Variants in DIP2A observed in about 807,000 individuals in gnomAD.
DIP2A encodes the protein disco-interacting protein 2 homolog A.
A neutral mutation model predicts 177.4 loss-of-function variants in DIP2A; 85 were observed. The ratio of observed to expected loss-of-function variants is 0.48; its 90% CI spans 0.40 to 0.57. The LOEUF (loss-of-function observed/expected upper bound fraction) is 0.57, where lower values mean the gene tolerates loss of function less well. Among genes scored for constraint, DIP2A ranks in the 20% least tolerant of loss-of-function variants. The probability of loss-of-function intolerance (pLI) is 0.00; values close to 1 mark genes in which losing one functional copy is unlikely to be tolerated. For synonymous variants in DIP2A, 886 were observed against 881.8 expected (o/e 1.00, Z -0.08); for missense variants, 1,791 against 2,100.2 (o/e 0.85, Z 2.88).
At chr21:46,566,780 G>A in intron 37 of DIP2A, 97 bp downstream of exon 37, 1 of 1,487,584 alleles carries the variant, frequency 6.7e-7, no homozygotes, top group Non-Finnish European at 9.2e-7. Context: ...AAGGACTGCT[G>A]GGCCCTGGGC....
chr21:46,561,249 A>G (rs2060653725), intron 33 of DIP2A: 1 of 267,670 alleles, frequency 3.7e-6, no homozygotes, highest in African/African-American at 2.2e-5. Context: ...CAAGTTATCC[A>G]TCTACTGGCA....
At chr21:46,516,625 T>G (rs142169340) in intron 8 of DIP2A, among the ~76,000 whole-genome samples, 6,250 of 151,568 alleles carry the variant, frequency 0.041, 198 homozygotes, top group Non-Finnish European at 0.063. Flanking sequence ...CCTGAATAGC[T>G]GGGACTATAG....
chr21:46,482,974 A>G (rs2056449659), intron 1 of DIP2A, among the ~76,000 whole-genome samples: 1 of 152,190 alleles, frequency 6.6e-6, no homozygotes, highest in Admixed American at 6.5e-5. Flanking sequence ...TATATCCTGA[A>G]CCTGATGAGG....
In DIP2A at chr21:46,497,179, C is replaced by T. The variant is rs1449772994; in HGVS notation, c.403+72C>T. The T allele has an allele frequency of 5.9e-6, 9 of 1,529,660 alleles. No individual in the cohort carries two copies. In the African/African-American group the frequency reaches 1.1e-4, roughly 19 times the overall value. The allele number at this position is 1,529,660 out of a possible 1,614,324, so 94.8% of individuals were successfully genotyped here. A position where few individuals can be genotyped will look rare whatever the true frequency, so the allele number is the denominator to read the frequency against. ...AGGCCTGATGTTATCCTATTTACTT[C>T]CCATTGAGTTGGAATATCCGTCTGG... is the stretch of plus-strand genomic sequence containing the variant. On this transcript the variant is annotated intron_variant, in intron 4 of 37. Transcript: ENST00000417564.
chr21:46,519,397 C>A (rs2058722961), intron 8 of DIP2A, among the ~76,000 whole-genome samples: 1 of 152,138 alleles, frequency 6.6e-6, no homozygotes, highest in African/African-American at 2.4e-5. Flanking sequence ...GATGGAGTTG[C>A]TCTGGTTTAA....
In DIP2A at chr21:46,567,424, A is replaced by G; in HGVS notation, c.4518A>G (p.Leu1506=). The change falls in exon 38 of 38, where the codon CTA becomes CTG. Residue 1506 remains leucine, a synonymous_variant. Transcript: ENST00000417564. The stretch of plus-strand genomic sequence containing the variant: ...TGGTGGTGGTGGAGCTGGATGGGCT[A>G]GAGCAGGATGCCCTGGACCTGGTGG... ...LLVVVVELDG[L]EQDALDLVAL... 6.2e-7 allele frequency: 1 copy of G among 1,613,972 alleles called. No individual in the cohort carries two copies. Among genetic ancestry groups the G allele is most frequent in the Admixed American group, 1.7e-5 (1 of 60,024 alleles).
chr21:46,533,674 C>G, intron 11 of DIP2A, 27 bp downstream of exon 11: 2 of 1,613,702 alleles, frequency 1.2e-6, no homozygotes. Context: ...GAAGGGGAGT[C>G]AGTGTTCTGA....
chr21:46,520,702 A>G (rs1173985844), intron 8 of DIP2A, among the ~76,000 whole-genome samples: 1 of 152,246 alleles, frequency 6.6e-6, no homozygotes, highest in African/African-American at 2.4e-5. Flanking sequence ...ACATGGAACA[A>G]TTTAACATAC....
chr21:46,463,723 T>TGTGTGTGTGTGTGTGTGTGTGTGTG (rs1555858202), intron 1 of DIP2A, among the ~76,000 whole-genome samples: 1 of 150,548 alleles, frequency 6.6e-6, no homozygotes. Context: ...TGTGTGTATA[T>TGTGTGTGTGTGTGTGTGTGTGTGTG]TTTGAGACGG....
In DIP2A at chr21:46,545,811, C is replaced by T; in HGVS notation, c.2314-70C>T. On this transcript the variant is annotated intron_variant, in intron 19 of 37. Coordinates refer to ENST00000417564, the MANE Select transcript of DIP2A (RefSeq NM_015151.4). ...ACACGTGGTGCTGAGCCTCCTGCCGCCTGCTGGGTCTTTTTGGCCAGTTGG... is the reference window on the plus strand; with the variant it reads ...ACACGTGGTGCTGAGCCTCCTGCCGTCTGCTGGGTCTTTTTGGCCAGTTGG... The T allele has an allele frequency of 3.8e-6, 6 of 1,573,078 alleles. 1 individual carries two copies. The Middle Eastern group carries it at 6.7e-4, about 177-fold the overall frequency.
chr21:46,506,569 T>C (rs2057994050), intron 6 of DIP2A, among the ~76,000 whole-genome samples: 1 of 152,192 alleles, frequency 6.6e-6, no homozygotes, highest in South Asian at 2.1e-4. Context: ...CCAATAGGCA[T>C]GTAGAGATAT....
rs1337028290 is a variant in DIP2A, at chr21:46,557,319, G to A, written c.3629+250G>A. On this transcript the variant is annotated intron_variant, in intron 30 of 37. Coordinates refer to ENST00000417564, the MANE Select transcript of DIP2A (RefSeq NM_015151.4). This position sits in a 1 kb window ranked among gnomAD's most constrained non-coding sequence, Gnocchi z 6.0. ...TTGATTCCTTCAAACACTAGAAAGT[G>A]GCGATCCGTCTCTAGAAGTGAATGC... 8.0e-6 allele frequency: 5 copies of A among 621,344 alleles called. No individual in the cohort carries two copies. The Admixed American group carries it at 1.5e-4, about 18-fold the overall frequency. The allele number at this position is 621,344 out of a possible 1,614,324, so 38.5% of individuals were successfully genotyped here. A position where few individuals can be genotyped will look rare whatever the true frequency, so the allele number is the denominator to read the frequency against.
At chr21:46,504,333 T>A (rs1401185361) in intron 5 of DIP2A, 28 bp from the exon 6 acceptor site, 1 of 1,612,604 alleles carries the variant, frequency 6.2e-7, no homozygotes, top group Admixed American at 1.7e-5. Context: ...ACAGCCACTT[T>A]CATTTTGGGT....
intron 9 of DIP2A, among the ~76,000 whole-genome samples, chr21:46,531,654 G>C (rs1314819278): frequency 6.6e-6 from 1 of 152,122 alleles, no homozygotes; most frequent in Non-Finnish European, 1.5e-5. Context: ...TGAAGAAATT[G>C]GTGGCAAATT....
intron 3 of DIP2A, among the ~76,000 whole-genome samples, chr21:46,494,089 AT>A (rs1249702239): frequency 6.6e-6 from 1 of 152,234 alleles, no homozygotes; most frequent in Non-Finnish European, 1.5e-5. Flanking sequence ...AGATAATGCC[AT>A]TTTCACAAAG....
chr21:46,517,088 G>C (rs1601624455), intron 8 of DIP2A, among the ~76,000 whole-genome samples: 1 of 102,562 alleles, frequency 9.8e-6, no homozygotes, highest in African/African-American at 3.7e-5. Flanking sequence ...TTTTGAGACA[G>C]AGTCTTGCTC....
chr21:46,562,748 G>A (rs1317796703), intron 34 of DIP2A, among the ~76,000 whole-genome samples: 3 of 152,204 alleles, frequency 2.0e-5, no homozygotes, highest in African/African-American at 2.4e-5. Flanking sequence ...CGTGTCCCCT[G>A]TTACAGTCAC....
Position 46,557,175 on chromosome 21 carries a change from G to C in DIP2A, c.3629+106G>C. ...TTCTGGGTGCTCAGGAAGCCGATGA[G>C]ATGTGTGTGAGTGGGTTTGTTTGGG... On this transcript the variant is annotated intron_variant, in intron 30 of 37. Transcript: ENST00000417564. This position sits in a 1 kb window ranked among gnomAD's most constrained non-coding sequence, Gnocchi z 6.0. 1 of 1,329,834 alleles carries C rather than the reference G, an allele frequency of 7.5e-7. No individual in the cohort carries two copies. The highest frequency in any genetic ancestry group is 1.0e-6 in the Non-Finnish European group (1 of 990,882). 82.4% of individuals were successfully genotyped at this position (1,329,834 alleles called of 1,614,324 possible).
At chr21:46,544,015 TC>T (rs1276099983) in intron 18 of DIP2A, among the ~76,000 whole-genome samples, 1 of 152,190 alleles carries the variant, frequency 6.6e-6, no homozygotes, top group Non-Finnish European at 1.5e-5. Context: ...GAAGGACAGT[TC>T]CTAGCTGACC....
Sources: gnomAD v4.1 joint callset for allele counts (sites outside exome capture counted in the v4.1 genomes callset) on GRCh38, gnomAD v4.1.1 for gene constraint, Gnocchi (gnomAD v3.1) non-coding constraint, MANE v1.5 for transcripts, NCBI Gene and HGNC (gene_info 2026-07-23, HGNC 2026-07-21) for gene names.